The following SPATA18 variants were observed in gnomAD, a reference collection of about 807,000 sequenced individuals.
SPATA18 encodes mitochondria-eating protein.
In SPATA18, 54 loss-of-function variants were observed where a neutral mutation model predicts 68.1. The ratio of observed to expected loss-of-function variants is 0.79; its 90% CI spans 0.64 to 0.99. The LOEUF is 0.99. Among genes scored for constraint, SPATA18 ranks in the 50% least tolerant of loss-of-function variants. The probability of loss-of-function intolerance (pLI) is 0.00; values close to 1 mark genes in which losing one functional copy is unlikely to be tolerated. For missense variants in SPATA18, 724 were observed against 681.1 expected (o/e 1.06, Z -0.70); for synonymous variants, 242 against 244.8 (o/e 0.99, Z 0.11).
At chr4:52,082,364 CT>C in intron 9 of SPATA18, 22 bp from the exon 10 acceptor site, 2 of 1,607,266 alleles carry the variant, frequency 1.2e-6, no homozygotes, top group Non-Finnish European at 1.7e-6. Context: ...ACTTCTCTTT[CT>C]TTTTTTGTAT....
chr4:52,062,787 G>A (rs1271521764), intron 4 of SPATA18, among the ~76,000 whole-genome samples: 1 of 152,206 alleles, frequency 6.6e-6, no homozygotes, highest in Non-Finnish European at 1.5e-5. Context: ...GCATCTATCA[G>A]TCCATTATAC....
chr4:52,060,391 CT>C, intron 1 of SPATA18, 27 bp from the exon 2 acceptor site: 1 of 1,595,316 alleles, frequency 6.3e-7, no homozygotes, highest in South Asian at 1.1e-5. Context: ...AGTAATTACC[CT>C]GGTTATCTAC....
rs1376901619 is a variant in SPATA18 at position 52,079,924 on chromosome 4, G to T, written c.1355+5G>T. On this transcript the variant is annotated splice_donor_5th_base_variant and intron_variant, in intron 9 of 12. Coordinates refer to ENST00000295213, the MANE Select transcript of SPATA18 (RefSeq NM_145263.4). ...AGAAGTTTTTAATGATTGCAAGTAA[G>T]AGACACAGGAGCAGAAGCTAAGGGA... The T allele has an allele frequency of 6.2e-7, 1 of 1,610,190 alleles. No individual in the cohort carries two copies. Among genetic ancestry groups the T allele is most frequent in the East Asian group, 2.2e-5 (1 of 44,798 alleles).
intron 1 of SPATA18, among the ~76,000 whole-genome samples, chr4:52,052,603 G>A (rs1371875241): frequency 6.6e-6 from 1 of 152,144 alleles, no homozygotes; most frequent in African/African-American, 2.4e-5. Flanking sequence ...ACTGTGGACC[G>A]GAAATTAGCC....
Position 52,094,919 on chromosome 4 carries a change from G to A in SPATA18, c.*32G>A, listed in dbSNP as rs186980540. ...CAGACCTGCTCCTTTGACCCAGTGC[G>A]TGGAAACAGCTGCTTTCTCCAGTGC... On this transcript the variant is annotated 3_prime_UTR_variant, in exon 13 of 13. Transcript: ENST00000295213. The A allele has an allele frequency of 1.5e-3, 2,368 of 1,613,754 alleles. 4 individuals carry two copies. The highest frequency in any genetic ancestry group is 1.8e-3 in the Non-Finnish European group (2,135 of 1,179,718).
chr4:52,079,615 T>C, intron 8 of SPATA18, 129 bp from the exon 9 acceptor site: 1 of 1,065,286 alleles, frequency 9.4e-7, no homozygotes, highest in Non-Finnish European at 1.4e-6. Flanking sequence ...ACATTCACTG[T>C]TTTTCTGCTT....
chr4:52,066,696 T>C (rs1739344788), intron 4 of SPATA18, among the ~76,000 whole-genome samples: 1 of 151,410 alleles, frequency 6.6e-6, no homozygotes, highest in Non-Finnish European at 1.5e-5. Flanking sequence ...ATTGTTCCCC[T>C]CCCTGTGTCC....
chr4:52,088,204 A>T (rs1741602697), intron 11 of SPATA18, among the ~76,000 whole-genome samples: 1 of 152,220 alleles, frequency 6.6e-6, no homozygotes, highest in African/African-American at 2.4e-5. Flanking sequence ...ATATACAATC[A>T]TGTCATCTGC....
rs559412197 is a variant in SPATA18, at chr4:52,097,010, C to G, written c.*2123C>G. ...ATTTGCTTTCTACCCTGCCTGGCCA[C>G]TTGCTGTTTCTTCAGTTTCTAATTT... On this transcript the variant is annotated 3_prime_UTR_variant, in exon 13 of 13. Coordinates refer to ENST00000295213, the MANE Select transcript of SPATA18 (RefSeq NM_145263.4). 1.3e-5 allele frequency: 2 copies of G among 152,100 alleles called. No homozygotes were observed. Among genetic ancestry groups the G allele is most frequent in the African/African-American group, 4.8e-5 (2 of 41,428 alleles). The allele number at this position is 152,100 out of a possible 1,614,324, so 9.4% of individuals were successfully genotyped here. A position where few individuals can be genotyped will look rare whatever the true frequency, so the allele number is the denominator to read the frequency against.
chr4:52,094,057 G>A (rs1040449046), intron 11 of SPATA18, among the ~76,000 whole-genome samples: 5 of 152,208 alleles, frequency 3.3e-5, no homozygotes, highest in African/African-American at 7.2e-5. Context: ...AGCCAGTTAC[G>A]CCTGACCGGC....
Position 52,082,430 on chromosome 4 carries a change from C to T in SPATA18, c.1399C>T (p.Leu467Phe). ...CTCGGATTTCACTGCTCCCTTAGTC[C>T]TCTATCACGTGTGGCCTGCTCTCAT... ...YDSDFTAPLV[L>F]YHVWPALMEN... The change falls in exon 10 of 13, where the codon CTC becomes TTC. Residue 467 changes from leucine (L) to phenylalanine (F), a missense_variant. Transcript: ENST00000295213. 6.2e-7 allele frequency: 1 copy of T among 1,614,096 alleles called. No homozygotes were observed. The highest frequency in any genetic ancestry group is 8.5e-7 in the Non-Finnish European group (1 of 1,179,990).
At chr4:52,090,182 G>A (rs1348498836) in intron 11 of SPATA18, among the ~76,000 whole-genome samples, 22 of 152,186 alleles carry the variant, frequency 1.4e-4, no homozygotes, top group Middle Eastern at 3.4e-3. Context: ...GTCTTTGCAC[G>A]TGAGATCAGT....
Position 52,051,533 on chromosome 4 carries a change from C to T in SPATA18, c.-172C>T. The T allele has an allele frequency of 1.5e-6, 1 of 654,974 alleles. No individual in the cohort carries two copies. Among genetic ancestry groups the T allele is most frequent in the Non-Finnish European group, 2.6e-6 (1 of 378,496 alleles). 40.6% of individuals were successfully genotyped at this position (654,974 alleles called of 1,614,324 possible). On this transcript the variant is annotated 5_prime_UTR_variant, in exon 1 of 13. Transcript: ENST00000295213. ...CCCAGGGCACCTCCCCTCTGGCTTC[C>T]CGAACCCGGCCAGGTCCGACCCGAG... is the stretch of plus-strand genomic sequence containing the variant.
chr4:52,053,493 G>A (rs1425509127), intron 1 of SPATA18, among the ~76,000 whole-genome samples: 1 of 152,176 alleles, frequency 6.6e-6, no homozygotes, highest in Non-Finnish European at 1.5e-5. Flanking sequence ...TCTGTTACAA[G>A]TATGCTGATG....
intron 6 of SPATA18, among the ~76,000 whole-genome samples, chr4:52,073,131 A>C (rs1740010913): frequency 6.6e-6 from 1 of 152,122 alleles, no homozygotes. Flanking sequence ...TCATTCTGTC[A>C]GTGTTGTGTT....
At chr4:52,064,407 G>A (rs1412683340) in intron 4 of SPATA18, among the ~76,000 whole-genome samples, 1 of 152,082 alleles carries the variant, frequency 6.6e-6, no homozygotes, top group Non-Finnish European at 1.5e-5. Context: ...CCAATATGTA[G>A]TCTTTTATCC....
chr4:52,093,568 GTA>G (rs1742166666), intron 11 of SPATA18, among the ~76,000 whole-genome samples: 1 of 152,098 alleles, frequency 6.6e-6, no homozygotes, highest in Non-Finnish European at 1.5e-5. Context: ...TAGTAGACTG[GTA>G]AATAAAAAGG....
rs776788321 is a variant in SPATA18, at chr4:52,060,412, C to T, written c.88-7C>T. 2 of 1,613,028 alleles carry T rather than the reference C, an allele frequency of 1.2e-6. No individual in the cohort carries two copies. The highest frequency in any genetic ancestry group is 1.1e-5 in the South Asian group (1 of 90,932). ...TACCCTGGTTATCTACTGTTTTGCC[C>T]TTGCAGACAAACACGTGTGATCAAA... On this transcript the variant is annotated splice_region_variant and splice_polypyrimidine_tract_variant and intron_variant, in intron 1 of 12. Coordinates refer to ENST00000295213, the MANE Select transcript of SPATA18 (RefSeq NM_145263.4).
In SPATA18 at chr4:52,061,895, A is replaced by G. The variant is rs573073385; in HGVS notation, c.310-325A>G. Among the ~76,000 whole-genome samples, 17 of 152,258 alleles carry G rather than the reference A, an allele frequency of 1.1e-4. No individual in the cohort carries two copies. In the South Asian group the frequency reaches 3.5e-3, roughly 32 times the overall value. On this transcript the variant is annotated intron_variant, in intron 3 of 12. Transcript: ENST00000295213. ...TAGGTATAAAGATGTAGAATTTCAA[A>G]CTGTTTTTGGAAATTGAGGTATAAT...
Sources: gnomAD v4.1 joint callset for allele counts (sites outside exome capture counted in the v4.1 genomes callset) on GRCh38, gnomAD v4.1.1 for gene constraint, MANE v1.5 for transcripts, NCBI Gene and HGNC (gene_info 2026-07-23, HGNC 2026-07-21) for gene names.